Variants in HS6ST2 observed in about 807,000 individuals in gnomAD.
HS6ST2 encodes the protein heparan sulfate 6-O-sulfotransferase 2, also known as heparan-sulfate 6-O-sulfotransferase 2.
Under a neutral mutation model 33.0 loss-of-function variants are expected in HS6ST2, and 17 were observed. The observed-to-expected ratio is 0.52, with a 90% confidence interval of 0.35 to 0.77. The LOEUF (loss-of-function observed/expected upper bound fraction) is 0.77. Among genes scored for constraint, HS6ST2 ranks in the 30% least tolerant of loss-of-function variants. The pLI, the probability that HS6ST2 is intolerant of heterozygous loss-of-function variation, is 0.01. For synonymous variants in HS6ST2, 248 were observed against 237.1 expected (o/e 1.05, Z -0.42); for missense variants, 519 against 551.7 (o/e 0.94, Z 0.59).
intron 2 of HS6ST2, among the ~76,000 whole-genome samples, chrX:132,767,030 A>G (rs147754168): frequency 0.014 from 1,515 of 112,065 alleles, 22 homozygotes; most frequent in African/African-American, 0.047. Context: ...CGACCTGATT[A>G]CAAAGGACTT....
At chrX:132,897,663 G>C (rs2066388491) in intron 2 of HS6ST2, among the ~76,000 whole-genome samples, 1 of 110,918 alleles carries the variant, frequency 9.0e-6, no homozygotes, top group Non-Finnish European at 1.9e-5. Context: ...AAAAAAATAG[G>C]GAAGGCAGCT....
chrX:132,637,763 AT>A (rs1253799064), intron 4 of HS6ST2, among the ~76,000 whole-genome samples: 6 of 75,252 alleles, frequency 8.0e-5, no homozygotes, highest in African/African-American at 3.1e-4. Context: ...TATATAAAAT[AT>A]TATATATTTA....
intron 2 of HS6ST2, among the ~76,000 whole-genome samples, chrX:132,913,862 C>T (rs975379033): frequency 8.9e-6 from 1 of 111,931 alleles, no homozygotes; most frequent in Non-Finnish European, 1.9e-5. Context: ...AATGAGTTCA[C>T]AGTTCCTGAT....
chrX:132,736,842 T>C (rs954535218), intron 2 of HS6ST2, among the ~76,000 whole-genome samples: 3 of 111,846 alleles, frequency 2.7e-5, no homozygotes, highest in African/African-American at 9.8e-5. Flanking sequence ...CTTGCCCCTC[T>C]TGAAAAGAAA....
At chrX:132,732,750 T>C (rs2064472403) in intron 2 of HS6ST2, among the ~76,000 whole-genome samples, 1 of 112,011 alleles carries the variant, frequency 8.9e-6, no homozygotes, top group Non-Finnish European at 1.9e-5. Flanking sequence ...ATTAAATGTC[T>C]TTCCTTTATA....
chrX:132,807,420 A>T (rs2065294874), intron 2 of HS6ST2, among the ~76,000 whole-genome samples: 1 of 105,507 alleles, frequency 9.5e-6, no homozygotes, highest in Non-Finnish European at 2.1e-5. Flanking sequence ...AAGATAAATC[A>T]CTAAAGAGAG....
intron 2 of HS6ST2, among the ~76,000 whole-genome samples, chrX:132,734,116 C>T (rs2148280212): frequency 9.8e-6 from 1 of 102,083 alleles, no homozygotes; most frequent in Non-Finnish European, 2.0e-5. Flanking sequence ...TGGCAGCTCT[C>T]AAATTTCTTT....
intron 2 of HS6ST2, among the ~76,000 whole-genome samples, chrX:132,793,186 G>A (rs1473443923): frequency 9.7e-6 from 1 of 103,030 alleles, no homozygotes; most frequent in East Asian, 3.1e-4. Context: ...TCAGCCTCCT[G>A]AGTAGCTGGG....
intron 2 of HS6ST2, among the ~76,000 whole-genome samples, chrX:132,760,813 A>G (rs2064798750): frequency 9.0e-6 from 1 of 111,249 alleles, no homozygotes; most frequent in African/African-American, 3.3e-5. Context: ...CCTCACTTGT[A>G]AGCGTGCTTG....
upstream of HS6ST2, chrX:132,958,864 A>G (rs1181247479): frequency 5.8e-6 from 2 of 342,237 alleles, no homozygotes; most frequent in Non-Finnish European, 1.0e-5. Flanking sequence ...AAGCGGGGGC[A>G]TTTTCTGAAA....
intron 4 of HS6ST2, among the ~76,000 whole-genome samples, chrX:132,653,865 C>G (rs1453860512): frequency 9.0e-6 from 1 of 111,455 alleles, no homozygotes; most frequent in Admixed American, 9.6e-5. Context: ...GACACTGCAG[C>G]AGTCTTATAT....
At chrX:132,721,112 T>C (rs2064323792) in intron 2 of HS6ST2, among the ~76,000 whole-genome samples, 1 of 112,108 alleles carries the variant, frequency 8.9e-6, no homozygotes, top group South Asian at 3.7e-4. Flanking sequence ...TTTCATCCAA[T>C]GGCTGCAGAA....
chrX:132,924,131 A>G (rs2066685377), intron 2 of HS6ST2, among the ~76,000 whole-genome samples: 1 of 112,508 alleles, frequency 8.9e-6, no homozygotes, highest in Non-Finnish European at 1.9e-5. Context: ...CACATAAGCT[A>G]AATTTTGCCT....
intron 2 of HS6ST2, among the ~76,000 whole-genome samples, chrX:132,845,866 TA>T (rs1331547913): frequency 1.8e-5 from 2 of 111,501 alleles, no homozygotes; most frequent in Non-Finnish European, 3.8e-5. Context: ...CCTAACAGAA[TA>T]AAAGTCACAA....
chrX:132,883,750 G>A (rs1420704037), intron 2 of HS6ST2, among the ~76,000 whole-genome samples: 1 of 111,137 alleles, frequency 9.0e-6, no homozygotes, highest in Non-Finnish European at 1.9e-5. Flanking sequence ...GACTTCAGCA[G>A]CTCCAAATGG....
intron 2 of HS6ST2, among the ~76,000 whole-genome samples, chrX:132,782,229 A>AT (rs1401047188): frequency 1.8e-5 from 2 of 111,876 alleles, no homozygotes; most frequent in Non-Finnish European, 3.8e-5. Context: ...CAGTGGTCCT[A>AT]TTTTTCACAG....
At chrX:132,750,306 AT>A (rs1480101505) in intron 2 of HS6ST2, among the ~76,000 whole-genome samples, 2 of 100,279 alleles carry the variant, frequency 2.0e-5, no homozygotes, top group African/African-American at 7.6e-5. Flanking sequence ...TTTGGAGGAA[AT>A]TTTTGTTTGG....
intron 2 of HS6ST2, among the ~76,000 whole-genome samples, chrX:132,927,651 T>C (rs1369883766): frequency 1.8e-5 from 2 of 110,560 alleles, no homozygotes; most frequent in Middle Eastern, 4.6e-3. Flanking sequence ...TATAAAGAAA[T>C]GCTTGAGTTT....
At chrX:132,780,452 C>A (rs1447109965) in intron 2 of HS6ST2, among the ~76,000 whole-genome samples, 1 of 111,046 alleles carries the variant, frequency 9.0e-6, no homozygotes, top group African/African-American at 3.3e-5. Flanking sequence ...TATCATTGAA[C>A]CCTCATAACT....
Sources: allele counts gnomAD v4.1 joint callset (sites outside exome capture counted in the v4.1 genomes callset), GRCh38; gene constraint gnomAD v4.1.1; transcripts MANE v1.5; gene names NCBI Gene and HGNC (gene_info 2026-07-23, HGNC 2026-07-21).